The following TBC1D22A variants were observed in gnomAD, a reference collection of about 807,000 sequenced individuals.
TBC1D22A encodes the protein putative GTPase activator.
In TBC1D22A, 38 loss-of-function variants were observed where a neutral mutation model predicts 60.2. That is an observed-to-expected ratio of 0.63 (90% CI 0.49 to 0.83). The LOEUF is 0.83. TBC1D22A is among the 40% of genes least tolerant of loss of function. The probability of loss-of-function intolerance (pLI) is 0.00; values close to 1 mark genes in which losing one functional copy is unlikely to be tolerated. For missense variants in TBC1D22A, 628 were observed against 701.0 expected (o/e 0.90, Z 1.18); for synonymous variants, 302 against 281.7 (o/e 1.07, Z -0.72).
intron 4 of TBC1D22A, among the ~76,000 whole-genome samples, chr22:46,876,015 A>C (rs531847977): frequency 6.6e-6 from 1 of 152,278 alleles, no homozygotes; most frequent in East Asian, 1.9e-4. Flanking sequence ...AGTTGTCAGG[A>C]AGGCATCTTA....
chr22:47,152,237 C>A (rs2067533698), intron 12 of TBC1D22A, among the ~76,000 whole-genome samples: 2 of 152,238 alleles, frequency 1.3e-5, no homozygotes, highest in Admixed American at 1.3e-4. Flanking sequence ...AAGGTTATAT[C>A]TCTCAGTCAT....
rs553935687 is a variant in TBC1D22A, at chr22:46,896,220, G to A, written c.900+1374G>A. Among the ~76,000 whole-genome samples, 16 of 152,024 alleles carry A rather than the reference G, an allele frequency of 1.1e-4. No individual in the cohort carries two copies. The South Asian group carries it at 1.5e-3, about 14-fold the overall frequency. On this transcript the variant is annotated intron_variant, in intron 7 of 12. Coordinates refer to ENST00000337137, the MANE Select transcript of TBC1D22A (RefSeq NM_014346.5). ...CATTTTTCTTTTGGTTTGTCGATTC[G>A]CTCCTTTATTAGTTGTTGATCTTTA...
chr22:46,886,235 T>C (rs1247741161), intron 5 of TBC1D22A, among the ~76,000 whole-genome samples: 1 of 152,216 alleles, frequency 6.6e-6, no homozygotes, highest in African/African-American at 2.4e-5. Context: ...ATACGCTCTT[T>C]GGAATACTGC....
At chr22:46,909,460 G>A (rs967254354) in intron 7 of TBC1D22A, among the ~76,000 whole-genome samples, 3 of 152,292 alleles carry the variant, frequency 2.0e-5, no homozygotes, top group Middle Eastern at 3.4e-3. Context: ...GCCGTGTGGC[G>A]ACAGAGCTGG....
rs532696031 is a variant in TBC1D22A at position 46,997,255 on chromosome 22, T to G, written c.1126-379T>G. The stretch of plus-strand genomic sequence containing the variant: ...GTTGGTTCCCGGCAGGGCTGAGTGC[T>G]TAGGGTCCAGGTGGCCAGCGAGGTG... On this transcript the variant is annotated intron_variant, in intron 9 of 12. Transcript: ENST00000337137. Among the ~76,000 whole-genome samples, 5 of 152,362 alleles carry G rather than the reference T, an allele frequency of 3.3e-5. No individual in the cohort carries two copies. The South Asian group carries it at 8.3e-4, about 25-fold the overall frequency.
intron 4 of TBC1D22A, among the ~76,000 whole-genome samples, chr22:46,811,067 C>T (rs144266688): frequency 3.7e-4 from 56 of 152,334 alleles, no homozygotes; most frequent in Non-Finnish European, 7.2e-4. Flanking sequence ...ACCAAGTACC[C>T]TGGGTGCAGG....
rs532173662 is a variant in TBC1D22A at position 47,103,338 on chromosome 22, A to G, written c.1330-8170A>G. ...CAGGGCTCCTGGGAAGAAGGGGTGG[A>G]GACAGCCCACTGCCTGGGAGAAAGG... On this transcript the variant is annotated intron_variant, in intron 11 of 12. Transcript: ENST00000337137. Among the ~76,000 whole-genome samples, 3 of 152,330 alleles carry G rather than the reference A, an allele frequency of 2.0e-5. No individual in the cohort carries two copies. The East Asian group carries it at 5.8e-4, about 29-fold the overall frequency.
chr22:47,065,367 T>G (rs1569411343), intron 11 of TBC1D22A, among the ~76,000 whole-genome samples: 1 of 152,230 alleles, frequency 6.6e-6, no homozygotes, highest in African/African-American at 2.4e-5. Flanking sequence ...GGTTCCTCAC[T>G]AACATTAGTG....
At position 47,028,503 on chromosome 22, in the gene TBC1D22A, C is replaced by G. The variant is rs1367803382; in HGVS notation, c.1202-8568C>G. Among the ~76,000 whole-genome samples the G allele has an allele frequency of 5.7e-5, 8 of 140,688 alleles. No homozygotes were observed. The highest frequency in any genetic ancestry group is 9.1e-5 in the Non-Finnish European group (6 of 65,782). 92.3% of individuals were successfully genotyped at this position (140,688 alleles called of 152,430 possible). On this transcript the variant is annotated intron_variant, in intron 10 of 12. Coordinates refer to ENST00000337137, the MANE Select transcript of TBC1D22A (RefSeq NM_014346.5). This position sits in a 1 kb window ranked among gnomAD's most constrained non-coding sequence, Gnocchi z 4.4. ...AGAGCGAGTGGTCGCATTCCTGTCC[C>G]TCGGTCCCTGTCCCCCACGGCCCAG...
At chr22:47,053,620 T>A (rs1409410467) in intron 11 of TBC1D22A, among the ~76,000 whole-genome samples, 3 of 152,344 alleles carry the variant, frequency 2.0e-5, no homozygotes, top group Admixed American at 2.0e-4. Flanking sequence ...GGGAGGCCTC[T>A]GTGCACAGCA....
chr22:46,918,948 A>T (rs1369962851), intron 8 of TBC1D22A, among the ~76,000 whole-genome samples: 1 of 152,162 alleles, frequency 6.6e-6, no homozygotes, highest in Non-Finnish European at 1.5e-5. Context: ...ACCCACTCCC[A>T]ACCTCCATGC....
At chr22:46,887,346 T>C (rs1416661725) in intron 5 of TBC1D22A, among the ~76,000 whole-genome samples, 1 of 152,212 alleles carries the variant, frequency 6.6e-6, no homozygotes, top group Non-Finnish European at 1.5e-5. Flanking sequence ...ATGTAGGACA[T>C]TGGGAATTTG....
intron 11 of TBC1D22A, 35 bp from the exon 12 acceptor site, chr22:47,111,473 T>A: frequency 3.8e-6 from 6 of 1,598,858 alleles, no homozygotes; most frequent in Non-Finnish European, 4.3e-6. Flanking sequence ...GGTCACGCGT[T>A]ACAATTTCTC....
chr22:46,973,496 T>C (rs2074162429), intron 8 of TBC1D22A, among the ~76,000 whole-genome samples: 1 of 152,252 alleles, frequency 6.6e-6, no homozygotes, highest in Non-Finnish European at 1.5e-5. Context: ...ACATATATTC[T>C]GGGTTGAAAT....
intron 4 of TBC1D22A, among the ~76,000 whole-genome samples, chr22:46,876,799 C>T (rs1174324986): frequency 1.3e-5 from 2 of 152,224 alleles, no homozygotes; most frequent in African/African-American, 4.8e-5. Flanking sequence ...GGGCTGACTC[C>T]CCACCCCCAG....
At chr22:47,149,652 C>T (rs940536548) in intron 12 of TBC1D22A, among the ~76,000 whole-genome samples, 9 of 151,968 alleles carry the variant, frequency 5.9e-5, no homozygotes, top group African/African-American at 1.9e-4. Flanking sequence ...ATGGCAGAGC[C>T]GGCAGGGCTG....
intron 10 of TBC1D22A, among the ~76,000 whole-genome samples, chr22:47,012,615 T>C (rs1334778274): frequency 6.6e-6 from 1 of 152,192 alleles, no homozygotes; most frequent in African/African-American, 2.4e-5. Context: ...CTGCATTCCT[T>C]CCAATTTCAG....
At chr22:46,919,343 A>G (rs1447319005) in intron 8 of TBC1D22A, among the ~76,000 whole-genome samples, 1 of 152,140 alleles carries the variant, frequency 6.6e-6, no homozygotes, top group Non-Finnish European at 1.5e-5. Context: ...TACTTCCTTC[A>G]TTCCGTAGCC....
chr22:46,945,800 A>G (rs1202954521), intron 8 of TBC1D22A, among the ~76,000 whole-genome samples: 1 of 152,176 alleles, frequency 6.6e-6, no homozygotes, highest in Non-Finnish European at 1.5e-5. Flanking sequence ...CCTTCTGTAG[A>G]GGCGGGTCGA....
Sources: allele counts gnomAD v4.1 joint callset (sites outside exome capture counted in the v4.1 genomes callset), GRCh38; gene constraint gnomAD v4.1.1; non-coding constraint Gnocchi (gnomAD v3.1); transcripts MANE v1.5; gene names NCBI Gene and HGNC (gene_info 2026-07-23, HGNC 2026-07-21).